Variants in KSR2 observed in about 807,000 individuals in gnomAD.
KSR2 encodes kinase suppressor of ras 2.
In KSR2, 25 loss-of-function variants were observed where a neutral mutation model predicts 107.8. The observed-to-expected ratio is 0.23, with a 90% CI of 0.17 to 0.32. KSR2 has a LOEUF of 0.32. Among genes scored for constraint, KSR2 ranks in the 10% least tolerant of loss-of-function variants. KSR2 has a pLI of 1.00. For missense variants in KSR2, 887 were observed against 1,268.9 expected, an observed-to-expected ratio of 0.70 and a Z score of 4.57; for synonymous variants, 480 against 507.0, an observed-to-expected ratio of 0.95 and a Z score of 0.71.
chr12:117,499,802 C>T (rs185189482), intron 14 of KSR2, among the ~76,000 whole-genome samples: 1 of 152,170 alleles, frequency 6.6e-6, no homozygotes, highest in Non-Finnish European at 1.5e-5. Context: ...TGATAAGAGA[C>T]AAAAGGGCAG....
intron 1 of KSR2, among the ~76,000 whole-genome samples, chr12:117,899,564 G>A (rs768800125): frequency 8.5e-5 from 13 of 152,268 alleles, no homozygotes; most frequent in Admixed American, 2.6e-4. Context: ...GCCAAAGCCC[G>A]TGCACCAACA....
At chr12:117,630,807 A>G (rs1882767340) in intron 5 of KSR2, among the ~76,000 whole-genome samples, 1 of 152,132 alleles carries the variant, frequency 6.6e-6, no homozygotes, top group Non-Finnish European at 1.5e-5. Context: ...AGTGGTACCA[A>G]TGAGTGGTAT....
intron 14 of KSR2, among the ~76,000 whole-genome samples, chr12:117,499,827 G>A (rs1873273879): frequency 6.6e-6 from 1 of 152,182 alleles, no homozygotes; most frequent in Non-Finnish European, 1.5e-5. Context: ...ACGCGTGGTA[G>A]GCATAACCTC....
chr12:117,627,433 A>G (rs544846759), intron 5 of KSR2, among the ~76,000 whole-genome samples: 6 of 152,304 alleles, frequency 3.9e-5, no homozygotes, highest in South Asian at 2.1e-4. Context: ...TTGTCCGTAA[A>G]GGATTTTATT....
intron 1 of KSR2, among the ~76,000 whole-genome samples, chr12:117,863,514 T>A (rs912444364): frequency 2.0e-5 from 3 of 152,200 alleles, no homozygotes; most frequent in African/African-American, 7.2e-5. Context: ...TTGCTTAAGC[T>A]GCAGTGAGCT....
At chr12:117,717,666 G>GGTGTGTGT (rs55910019) in intron 4 of KSR2, among the ~76,000 whole-genome samples, 81 of 144,476 alleles carry the variant, frequency 5.6e-4, no homozygotes, top group South Asian at 2.5e-3. Context: ...GGGGCAGACA[G>GGTGTGTGT]GTGTGTGTGT....
At chr12:117,690,721 C>T (rs1366972103) in intron 4 of KSR2, among the ~76,000 whole-genome samples, 1 of 152,210 alleles carries the variant, frequency 6.6e-6, no homozygotes, top group African/African-American at 2.4e-5. Context: ...CTTGAACTAA[C>T]TGCTGCCAGC....
intron 4 of KSR2, among the ~76,000 whole-genome samples, chr12:117,725,741 T>A (rs1324422191): frequency 6.6e-6 from 1 of 151,976 alleles, no homozygotes; most frequent in African/African-American, 2.4e-5. Context: ...AGGTCAGGAG[T>A]TCGAGACCAG....
chr12:117,727,399 A>AAAAGAAG (rs1887473600), intron 4 of KSR2, among the ~76,000 whole-genome samples: 1 of 151,908 alleles, frequency 6.6e-6, no homozygotes, highest in Non-Finnish European at 1.5e-5. Flanking sequence ...AAGGAGCAGA[A>AAAAGAAG]AAAGAAGAAA....
rs374934615 is a variant in KSR2, at chr12:117,849,593, C to G, written c.472+5835G>C. Among the ~76,000 whole-genome samples, 45 of 152,294 alleles carry G rather than the reference C, an allele frequency of 3.0e-4. No individual in the cohort carries two copies. In the South Asian group the frequency reaches 7.0e-3, roughly 24 times the overall value. On this transcript the variant is annotated intron_variant, in intron 3 of 19. Transcript: ENST00000339824. ...AAAATGAGTTAAGATTTCCTATCTT[C>G]GGGGCTCCTTGGGCACTGGAAAATA...
intron 3 of KSR2, among the ~76,000 whole-genome samples, chr12:117,791,666 T>C (rs1432867115): frequency 1.3e-5 from 2 of 151,150 alleles, no homozygotes; most frequent in African/African-American, 4.9e-5. Context: ...CTGGAGGAGG[T>C]GGGAGGGGAG....
chr12:117,601,071 T>C (rs1880915217), intron 5 of KSR2, among the ~76,000 whole-genome samples: 3 of 151,948 alleles, frequency 2.0e-5, no homozygotes, highest in African/African-American at 7.3e-5. Flanking sequence ...GCATCTGGAG[T>C]CTAGTTGCTG....
At chr12:117,845,452 T>C (rs1892665535) in intron 3 of KSR2, among the ~76,000 whole-genome samples, 1 of 152,160 alleles carries the variant, frequency 6.6e-6, no homozygotes, top group African/African-American at 2.4e-5. Context: ...TTAAATGTCA[T>C]CTCCCCAGAG....
chr12:117,919,950 A>C (rs1022654612), intron 1 of KSR2, among the ~76,000 whole-genome samples: 2 of 152,248 alleles, frequency 1.3e-5, no homozygotes, highest in African/African-American at 4.8e-5. Flanking sequence ...ATTGGTATAC[A>C]TTCTATAGAT....
intron 12 of KSR2, among the ~76,000 whole-genome samples, 179 bp from the exon 13 acceptor site, chr12:117,527,298 CACAG>C (rs1186986469): frequency 7.4e-4 from 53 of 71,394 alleles, no homozygotes; most frequent in Admixed American, 2.4e-3. Context: ...CACACACACA[CACAG>C]ACACACACAC....
At chr12:117,718,486 G>A (rs1887082708) in intron 4 of KSR2, among the ~76,000 whole-genome samples, 1 of 152,166 alleles carries the variant, frequency 6.6e-6, no homozygotes, top group Non-Finnish European at 1.5e-5. Context: ...CCTCCTGTGG[G>A]AATGCCACCC....
chr12:117,895,289 T>C lies in KSR2; in HGVS notation c.181-34858A>G, dbSNP rs183815229. Among the ~76,000 whole-genome samples the C allele has an allele frequency of 3.4e-4, 51 of 152,120 alleles. 1 individual carries two copies. The highest frequency in any genetic ancestry group is 1.2e-3 in the African/African-American group (49 of 41,506). On this transcript the variant is annotated intron_variant, in intron 1 of 19. Coordinates refer to ENST00000339824, the MANE Select transcript of KSR2 (RefSeq NM_173598.6). ...ACATTTTGATGCCTCCACACAAACA[T>C]TGTGCCCAAGGGGAGTGCCTCACTG...
intron 1 of KSR2, among the ~76,000 whole-genome samples, chr12:117,899,299 C>T (rs942020163): frequency 2.0e-5 from 3 of 151,882 alleles, no homozygotes; most frequent in African/African-American, 7.3e-5. Flanking sequence ...TTGAGACCAG[C>T]CTGGGCAATA....
intron 9 of KSR2, among the ~76,000 whole-genome samples, chr12:117,549,288 T>C (rs1455356344): frequency 6.6e-6 from 1 of 152,154 alleles, no homozygotes; most frequent in Non-Finnish European, 1.5e-5. Context: ...AGGTGAGGTT[T>C]TTCAAGAAAG....
Sources: gnomAD v4.1 joint callset for allele counts (sites outside exome capture counted in the v4.1 genomes callset) on GRCh38, gnomAD v4.1.1 for gene constraint, MANE v1.5 for transcripts, NCBI Gene and HGNC (gene_info 2026-07-23, HGNC 2026-07-21) for gene names.